Variants in IRAG1 observed in about 807,000 individuals in gnomAD.
IRAG1 encodes inositol 1,4,5-triphosphate receptor associated 1, also known as IP3R-associated cGMP kinase substrate.
IRAG1 carries 62 observed loss-of-function variants against 106.2 expected under a neutral mutation model. That is an observed-to-expected ratio of 0.58 (90% CI 0.48 to 0.72). The LOEUF (loss-of-function observed/expected upper bound fraction) is 0.72. Ranked by LOEUF, IRAG1 falls within the 30% of genes least tolerant of loss-of-function variation. The probability of loss-of-function intolerance (pLI) is 0.00; values close to 1 mark genes in which losing one functional copy is unlikely to be tolerated. For synonymous variants in IRAG1, 462 were observed against 443.9 expected, an observed-to-expected ratio of 1.04 and a Z score of -0.51; for missense variants, 1,064 against 1,140.7, an observed-to-expected ratio of 0.93 and a Z score of 0.97.
chr11:10,637,554 G>GATTAA (rs1857231334), intron 2 of IRAG1, among the ~76,000 whole-genome samples: 1 of 152,126 alleles, frequency 6.6e-6, no homozygotes, highest in Non-Finnish European at 1.5e-5. Flanking sequence ...GGAAGATTAT[G>GATTAA]CAAGTAAAAA....
At chr11:10,585,900 C>G (rs1437150416) in intron 18 of IRAG1, 1 of 151,892 alleles carries the variant, frequency 6.6e-6, no homozygotes, top group African/African-American at 2.4e-5. Context: ...CTCCATGAAC[C>G]CCCGCTTTTC....
At position 10,593,394 on chromosome 11, in the gene IRAG1, C is replaced by T. The variant is rs1269173275; in HGVS notation, c.2175+98G>A. On this transcript the variant is annotated intron_variant, in intron 17 of 20. Coordinates refer to ENST00000423302, the MANE Select transcript of IRAG1 (RefSeq NM_130385.4). Reference sequence around the variant, plus strand: ...CTGGAAATTTCCTCTCCTTGTTGACCCTGCCCCCATTTGGTCACCCTCCCT... The same window carrying T: ...CTGGAAATTTCCTCTCCTTGTTGACTCTGCCCCCATTTGGTCACCCTCCCT... 7 of 904,138 alleles carry T rather than the reference C, an allele frequency of 7.7e-6. No homozygotes were observed. In the South Asian group the frequency reaches 8.2e-5, roughly 11 times the overall value. 56.0% of individuals were successfully genotyped at this position (904,138 alleles called of 1,614,324 possible). A position where few individuals can be genotyped will look rare whatever the true frequency, so the allele number is the denominator to read the frequency against.
chr11:10,613,263 A>C lies in IRAG1; in HGVS notation c.1448-3412T>G, dbSNP rs1307209771. ...AAAATATATTTAAATGCTTCATACA[A>C]AAAAAAAAAAAAAAACCCAGACATC... On this transcript the variant is annotated intron_variant, in intron 10 of 20. Transcript: ENST00000423302. Among the ~76,000 whole-genome samples the C allele has an allele frequency of 1.7e-4, 6 of 35,798 alleles. No individual in the cohort carries two copies. The East Asian group carries it at 0.012, about 72-fold the overall frequency. 23.5% of individuals were successfully genotyped at this position (35,798 alleles called of 152,430 possible). A position where few individuals can be genotyped will look rare whatever the true frequency, so the allele number is the denominator to read the frequency against.
chr11:10,655,779 C>T (rs991732313), intron 1 of IRAG1, among the ~76,000 whole-genome samples: 1 of 152,224 alleles, frequency 6.6e-6, no homozygotes, highest in African/African-American at 2.4e-5. Flanking sequence ...TCCTCCACCT[C>T]CCTCTCTTCC....
intron 14 of IRAG1, 95 bp from the exon 15 acceptor site, chr11:10,601,154 C>A: frequency 2.0e-6 from 3 of 1,510,716 alleles, no homozygotes; most frequent in South Asian, 1.2e-5. Flanking sequence ...CTAGGAGAAT[C>A]AAAAGGATAC....
At position 10,628,793 on chromosome 11, in the gene IRAG1, T is replaced by C; in HGVS notation, c.610A>G (p.Thr204Ala). The C allele has an allele frequency of 1.3e-6, 2 of 1,569,832 alleles. No individual in the cohort carries two copies. The highest frequency in any genetic ancestry group is 1.7e-6 in the Non-Finnish European group (2 of 1,161,562). The change falls in exon 6 of 21, where the codon ACA becomes GCA. Residue 204 changes from threonine (T) to alanine (A), a missense_variant. Thr to Ala is a moderately conservative substitution (Grantham distance 58). Coordinates refer to ENST00000423302, the MANE Select transcript of IRAG1 (RefSeq NM_130385.4). The surrounding 1 kb of genome is among the most constrained non-coding windows in gnomAD (Gnocchi z 4.1). The stretch of plus-strand genomic sequence containing the variant: ...GTAAGTGAGTTGCTCCGAGAGGATG[T>C]AGGAGAAGCGCTGGGGCTGAGGTTC... ...SPNLSPSASP[T>A]SSRSNSLTVP...
intron 9 of IRAG1, among the ~76,000 whole-genome samples, chr11:10,625,142 C>T (rs1025442176): frequency 6.6e-6 from 1 of 152,220 alleles, no homozygotes; most frequent in Non-Finnish European, 1.5e-5. Context: ...CAAATCCCCT[C>T]AATTGTGCTT....
intron 15 of IRAG1, among the ~76,000 whole-genome samples, chr11:10,600,606 A>T (rs570567706): frequency 1.3e-5 from 2 of 152,368 alleles, no homozygotes; most frequent in South Asian, 4.1e-4. Flanking sequence ...GACAGGGTCT[A>T]GGGTCACTCT....
In IRAG1 at chr11:10,630,009, C is replaced by T. The variant is rs80150187; in HGVS notation, c.401-298G>A. On this transcript the variant is annotated intron_variant, in intron 4 of 20. Coordinates refer to ENST00000423302, the MANE Select transcript of IRAG1 (RefSeq NM_130385.4). ...GAAGGCCACCCAGGAGCCTTACCTC[C>T]GGCACCATCTGCGCCCCCAGTGCAT... 9.9e-3 allele frequency: 3,429 copies of T among 345,858 alleles called. 120 individuals are homozygous for T. Among genetic ancestry groups the T allele is most frequent in the African/African-American group, 0.067 (3,220 of 48,242 alleles). 21.4% of individuals were successfully genotyped at this position (345,858 alleles called of 1,614,324 possible). A position where few individuals can be genotyped will look rare whatever the true frequency, so the allele number is the denominator to read the frequency against.
At chr11:10,593,233 G>C in intron 17 of IRAG1, 1 of 281,198 alleles carries the variant, frequency 3.6e-6, no homozygotes, top group Non-Finnish European at 6.8e-6. Flanking sequence ...TGTGGTGTAA[G>C]CACAAAAAGA....
At chr11:10,651,168 G>T (rs1244723681) in intron 2 of IRAG1, among the ~76,000 whole-genome samples, 2 of 152,206 alleles carry the variant, frequency 1.3e-5, no homozygotes, top group South Asian at 4.1e-4. Context: ...TACATGCAAG[G>T]TCTTTGACCA....
Position 10,593,559 on chromosome 11 carries a change from T to G in IRAG1, c.2108A>C (p.Lys703Thr). The stretch of plus-strand genomic sequence containing the variant: ...GCCAGGCAGATTCAGGGCATTAAAC[T>G]TAGGAACCACAGCAACGCTGACCCT... Reference protein sequence around the residue: ...RRRVSVAVVPKFNALNLPGQT... With the variant: ...RRRVSVAVVPTFNALNLPGQT... The change falls in exon 17 of 21, where the codon AAG (lysine) becomes ACG (threonine). Residue 703 changes from lysine to threonine, a missense_variant. Lys to Thr is a moderately conservative substitution (Grantham distance 78). Transcript: ENST00000423302. 1 of 1,613,836 alleles carries G rather than the reference T, an allele frequency of 6.2e-7. No individual in the cohort carries two copies. The highest frequency in any genetic ancestry group is 8.5e-7 in the Non-Finnish European group (1 of 1,179,790).
At chr11:10,638,528 G>A (rs527460950) in intron 2 of IRAG1, among the ~76,000 whole-genome samples, 4 of 152,314 alleles carry the variant, frequency 2.6e-5, no homozygotes, top group African/African-American at 4.8e-5. Flanking sequence ...TATAGCATGC[G>A]CGGGCTTCTT....
At position 10,613,007 on chromosome 11, in the gene IRAG1, T is replaced by C. The variant is rs75585775; in HGVS notation, c.1448-3156A>G. Among the ~76,000 whole-genome samples the C allele has an allele frequency of 9.8e-3, 1,495 of 152,100 alleles. 31 individuals are homozygous for C. The highest frequency in any genetic ancestry group is 0.034 in the African/African-American group (1,400 of 41,490). The stretch of plus-strand genomic sequence containing the variant: ...CTGAATTAGAGGAGGGTGGTAGAGA[T>C]TGAGTAATCATAACGAATGCAAAGA... On this transcript the variant is annotated intron_variant, in intron 10 of 20. Coordinates refer to ENST00000423302, the MANE Select transcript of IRAG1 (RefSeq NM_130385.4).
chr11:10,693,414 C>T, intron 1 of IRAG1, 122 bp downstream of exon 1: 1 of 1,454,696 alleles, frequency 6.9e-7, no homozygotes, highest in Non-Finnish European at 9.0e-7. Context: ...ACAAAGCCAG[C>T]TCCCCTGGAA....
chr11:10,625,034 C>T (rs1004436090), intron 9 of IRAG1, among the ~76,000 whole-genome samples: 3 of 152,188 alleles, frequency 2.0e-5, no homozygotes, highest in Non-Finnish European at 4.4e-5. Flanking sequence ...TTAACATCAG[C>T]AGCCACGCCC....
At position 10,652,144 on chromosome 11, in the gene IRAG1, C is replaced by T; in HGVS notation, c.106G>A (p.Asp36Asn). The change falls in exon 2 of 21, where the codon GAC (aspartate) becomes AAC (asparagine). Residue 36 changes from aspartate to asparagine, a missense_variant. Coordinates refer to ENST00000423302, the MANE Select transcript of IRAG1 (RefSeq NM_130385.4). ...CGTGTGCCCGGAACCTCCGCTGCGT[C>T]AGCCCCAAAGATGCTCCAAGAGGCC... ...AQASWSIFGA[D>N]AAEVPGTRGH... 6.2e-7 allele frequency: 1 copy of T among 1,613,608 alleles called. No homozygotes were observed. Among genetic ancestry groups the T allele is most frequent in the South Asian group, 1.1e-5 (1 of 90,930 alleles).
rs369932235 is a variant in IRAG1, at chr11:10,601,046, G to A, written c.1889C>T (p.Ser630Leu). Residue 630 changes from serine (S) to leucine (L), a missense_variant, in exon 15 of 21, where the codon TCG (serine) becomes TTG (leucine). By Grantham distance (145) the Ser-to-Leu change is moderately radical. Coordinates refer to ENST00000423302, the MANE Select transcript of IRAG1 (RefSeq NM_130385.4). ...CTGCATCATCACTTCCGTTGCTTTCGACATGCGCTTTTCCTGCGGGGAAGG... is the reference window on the plus strand; with the variant it reads ...CTGCATCATCACTTCCGTTGCTTTCAACATGCGCTTTTCCTGCGGGGAAGG... ...VGAVRQEKRM[S>L]KATEVMMQYV... 165 of 1,613,836 alleles carry A rather than the reference G, an allele frequency of 1.0e-4. No homozygotes were observed. The highest frequency in any genetic ancestry group is 3.7e-4 in the African/African-American group (28 of 74,926).
At chr11:10,604,971 T>C (rs1854355133) in intron 12 of IRAG1, among the ~76,000 whole-genome samples, 1 of 152,180 alleles carries the variant, frequency 6.6e-6, no homozygotes, top group African/African-American at 2.4e-5. Context: ...AGAAACTCCA[T>C]GTGAGATTTA....
Sources: allele counts gnomAD v4.1 joint callset (sites outside exome capture counted in the v4.1 genomes callset), GRCh38; gene constraint gnomAD v4.1.1; non-coding constraint Gnocchi (gnomAD v3.1); transcripts MANE v1.5; gene names NCBI Gene and HGNC (gene_info 2026-07-23, HGNC 2026-07-21).